FBXO15: variants seen among roughly 807,000 people sequenced by gnomAD.
FBXO15 encodes the protein F-box only protein 15.
FBXO15 carries 30 observed loss-of-function variants against 49.5 expected under a neutral mutation model. That is an observed-to-expected ratio of 0.61 (90% confidence interval 0.45 to 0.82). FBXO15 has a LOEUF of 0.82. Among genes scored for constraint, FBXO15 ranks in the 40% least tolerant of loss-of-function variants. FBXO15 has a pLI of 0.00. For missense variants in FBXO15, 591 were observed against 631.5 expected (o/e 0.94, Z 0.69); for synonymous variants, 250 against 232.7 (o/e 1.07, Z -0.68).
At position 74,123,390 on chromosome 18, in the gene FBXO15, A is replaced by C. The variant is rs745843159; in HGVS notation, c.1116T>G (p.Phe372Leu). The C allele has an allele frequency of 1.9e-6, 3 of 1,612,428 alleles. No individual in the cohort carries two copies. The highest frequency in any genetic ancestry group is 2.5e-6 in the Non-Finnish European group (3 of 1,179,592). Residue 372 changes from phenylalanine to leucine, a missense_variant, in exon 8 of 10, where the codon TTT (phenylalanine) becomes TTG (leucine). By Grantham distance (22) the Phe-to-Leu change is conservative. Transcript: ENST00000419743. ...CACCTCTCTTGGTGAAGAGATTGCG[A>C]AATGTACCACATAGGTAGAAAACCC... is the stretch of plus-strand genomic sequence containing the variant. ...SGGVFYLCGTFRNLFTKRGNI... is the reference protein window; with the variant it reads ...SGGVFYLCGTLRNLFTKRGNI...
intron 8 of FBXO15, among the ~76,000 whole-genome samples, chr18:74,083,720 T>C (rs1176662134): frequency 1.3e-5 from 2 of 152,218 alleles, no homozygotes; most frequent in African/African-American, 2.4e-5. Context: ...CTGTGGTGTC[T>C]CCAAAGGTCA....
chr18:74,140,045 C>A (rs1307743899), intron 2 of FBXO15, among the ~76,000 whole-genome samples, 157 bp downstream of exon 2: 2 of 152,204 alleles, frequency 1.3e-5, no homozygotes, highest in Admixed American at 6.5e-5. Context: ...GTGACAGGCC[C>A]ATGACTCATC....
intron 8 of FBXO15, chr18:74,099,669 ACT>A (rs1276857977): frequency 6.6e-6 from 1 of 152,124 alleles, no homozygotes; most frequent in Non-Finnish European, 1.5e-5. Flanking sequence ...CTTTCAAGAA[ACT>A]CACCTAACAC....
chr18:74,108,962 C>G (rs557909094), intron 8 of FBXO15, among the ~76,000 whole-genome samples: 2 of 152,078 alleles, frequency 1.3e-5, no homozygotes, highest in Non-Finnish European at 2.9e-5. Context: ...CTCTACCCTG[C>G]AAAATTATCT....
chr18:74,121,784 AAAG>A (rs1164475164), intron 8 of FBXO15, among the ~76,000 whole-genome samples: 3 of 152,224 alleles, frequency 2.0e-5, no homozygotes, highest in African/African-American at 4.8e-5. Flanking sequence ...GGCGAGGAGG[AAAG>A]AAGAAGAGCT....
At chr18:74,078,480 C>G (rs1670960327) in intron 9 of FBXO15, 1 of 152,854 alleles carries the variant, frequency 6.5e-6, no homozygotes, top group South Asian at 2.1e-4. Flanking sequence ...TCTCGCACCC[C>G]TCCCCGGGCC....
chr18:74,083,349 C>T (rs920758864), intron 8 of FBXO15, among the ~76,000 whole-genome samples: 1 of 152,194 alleles, frequency 6.6e-6, no homozygotes, highest in African/African-American at 2.4e-5. Context: ...CAGCAGGGCT[C>T]GACGGAAGCA....
intron 8 of FBXO15, among the ~76,000 whole-genome samples, chr18:74,093,623 C>T (rs1260925524): frequency 1.3e-5 from 2 of 152,234 alleles, no homozygotes; most frequent in African/African-American, 4.8e-5. Flanking sequence ...CAAGTTTTAT[C>T]ATGAGATTAA....
intron 8 of FBXO15, among the ~76,000 whole-genome samples, chr18:74,108,928 G>A (rs1568167821): frequency 6.6e-6 from 1 of 152,140 alleles, no homozygotes; most frequent in African/African-American, 2.4e-5. Flanking sequence ...AGTGTTGAGA[G>A]AAAAAATCCA....
intron 9 of FBXO15, among the ~76,000 whole-genome samples, chr18:74,079,602 T>G (rs888619686): frequency 3.2e-5 from 3 of 93,900 alleles, no homozygotes; most frequent in African/African-American, 2.0e-4. Context: ...ATCTTTTGAG[T>G]TTTTTAAAAA....
intron 1 of FBXO15, among the ~76,000 whole-genome samples, chr18:74,144,779 T>C (rs907273854): frequency 5.3e-5 from 8 of 152,176 alleles, no homozygotes; most frequent in African/African-American, 1.9e-4. Flanking sequence ...CCCCACCCAC[T>C]ACAACTACTC....
intron 1 of FBXO15, among the ~76,000 whole-genome samples, chr18:74,145,251 T>C (rs976823232): frequency 6.6e-5 from 10 of 152,262 alleles, no homozygotes; most frequent in African/African-American, 2.2e-4. Context: ...TTAAGACATT[T>C]CATCCTTTAT....
At chr18:74,105,114 G>A (rs1294230620) in intron 8 of FBXO15, among the ~76,000 whole-genome samples, 1 of 152,110 alleles carries the variant, frequency 6.6e-6, no homozygotes, top group Non-Finnish European at 1.5e-5. Flanking sequence ...CTTAAAATGT[G>A]TATCTCATGA....
intron 1 of FBXO15, chr18:74,147,226 G>A (rs2145242499): frequency 6.5e-6 from 1 of 152,942 alleles, no homozygotes; most frequent in African/African-American, 2.4e-5. Context: ...TGGGGGATGA[G>A]GGTGTCAACT....
At chr18:74,111,507 A>T (rs1914032070) in intron 8 of FBXO15, among the ~76,000 whole-genome samples, 1 of 152,090 alleles carries the variant, frequency 6.6e-6, no homozygotes, top group Non-Finnish European at 1.5e-5. Context: ...ACACAACTTC[A>T]CAAATTTTGT....
At chr18:74,130,206 T>C (rs1218643171) in intron 4 of FBXO15, among the ~76,000 whole-genome samples, 1 of 152,180 alleles carries the variant, frequency 6.6e-6, no homozygotes, top group Admixed American at 6.5e-5. Context: ...TTGTTTCAAG[T>C]TCCCCCCCAC....
At chr18:74,116,836 A>G (rs1156855849) in intron 8 of FBXO15, among the ~76,000 whole-genome samples, 1 of 152,084 alleles carries the variant, frequency 6.6e-6, no homozygotes, top group Non-Finnish European at 1.5e-5. Flanking sequence ...GATGAACCCC[A>G]GAAGACCCAG....
intron 8 of FBXO15, among the ~76,000 whole-genome samples, chr18:74,091,968 A>G (rs1913046417): frequency 6.6e-6 from 1 of 152,208 alleles, no homozygotes; most frequent in African/African-American, 2.4e-5. Flanking sequence ...CTTATCATAA[A>G]ATATGTTTTT....
chr18:74,147,739 A>T lies in FBXO15; in HGVS notation c.47T>A (p.Leu16His). The change falls in exon 1 of 10, where the codon CTC (leucine) becomes CAC (histidine). Residue 16 changes from leucine (L) to histidine (H), a missense_variant. Coordinates refer to ENST00000419743, the MANE Select transcript of FBXO15 (RefSeq NM_001142958.2). ...CCTGCTGGGCCCGCGCAGCGTCTGG[A>T]GGCCGAGCCAGTGCTGCTGCAAGAT... ...GRILQQHWLG[L>H]QTLRGPSRGG... 6.5e-7 allele frequency: 1 copy of T among 1,536,400 alleles called. No individual in the cohort carries two copies. Among genetic ancestry groups the T allele is most frequent in the Non-Finnish European group, 8.7e-7 (1 of 1,143,220 alleles).
Sources: gnomAD v4.1 joint callset for allele counts (sites outside exome capture counted in the v4.1 genomes callset) on GRCh38, gnomAD v4.1.1 for gene constraint, MANE v1.5 for transcripts, NCBI Gene and HGNC (gene_info 2026-07-23, HGNC 2026-07-21) for gene names.